The following DMC1 variants were observed in gnomAD, a reference collection of about 807,000 sequenced individuals.
DMC1 encodes meiotic recombination protein DMC1 homolog.
Under a neutral mutation model 50.1 loss-of-function variants are expected in DMC1, and 27 were observed. The observed-to-expected ratio is 0.54, with a 90% CI of 0.40 to 0.74. The LOEUF (loss-of-function observed/expected upper bound fraction) is 0.74. Ranked by LOEUF, DMC1 falls within the 30% of genes least tolerant of loss-of-function variation. The probability of loss-of-function intolerance (pLI) is 0.00; values close to 1 mark genes in which losing one functional copy is unlikely to be tolerated. For missense variants in DMC1, 295 were observed against 420.2 expected, an observed-to-expected ratio of 0.70 and a Z score of 2.60; for synonymous variants, 148 against 136.1, an observed-to-expected ratio of 1.09 and a Z score of -0.61.
intron 2 of DMC1, 95 bp from the exon 3 acceptor site, chr22:38,567,722 C>T (rs767626862): frequency 1.2e-5 from 11 of 917,030 alleles, no homozygotes; most frequent in Non-Finnish European, 2.0e-5. Context: ...ATGAGTCACT[C>T]CAAAATGCCT....
chr22:38,514,248 T>C (rs1374892636), downstream of DMC1, among the ~76,000 whole-genome samples: 1 of 64,878 alleles, frequency 1.5e-5, no homozygotes, highest in Non-Finnish European at 3.0e-5. Flanking sequence ...TAGGTATTCT[T>C]TTTTTTTTTT....
At chr22:38,535,618 T>G (rs1305645669) in intron 12 of DMC1, among the ~76,000 whole-genome samples, 1 of 151,932 alleles carries the variant, frequency 6.6e-6, no homozygotes, top group Non-Finnish European at 1.5e-5. Flanking sequence ...TTTTTTTTTT[T>G]TGTTTTTGAG....
At chr22:38,515,447 A>G (rs2089970178), downstream of DMC1, among the ~76,000 whole-genome samples, 1 of 149,282 alleles carries the variant, frequency 6.7e-6, no homozygotes, top group Non-Finnish European at 1.5e-5. Context: ...ATTGCACTCC[A>G]GCCTGGGCAA....
intron 4 of DMC1, among the ~76,000 whole-genome samples, chr22:38,566,018 T>G (rs946745207): frequency 3.3e-5 from 5 of 152,180 alleles, no homozygotes; most frequent in African/African-American, 1.2e-4. Flanking sequence ...GGCTCATGCC[T>G]GTAATCCCAG....
Position 38,552,727 on chromosome 22 carries a change from A to C in DMC1, c.380-20T>G, listed in dbSNP as rs1170182412. ...GAAATTCTGTGAAATACAGAAAAAA[A>C]TGATTTTAAAAATGCATAATTTCCA... is the stretch of plus-strand genomic sequence containing the variant. On this transcript the variant is annotated intron_variant, in intron 6 of 13. Coordinates refer to ENST00000216024, the MANE Select transcript of DMC1 (RefSeq NM_007068.4). The C allele has an allele frequency of 6.5e-7, 1 of 1,530,500 alleles. No individual in the cohort carries two copies. The highest frequency in any genetic ancestry group is 9.1e-7 in the Non-Finnish European group (1 of 1,104,616). 94.8% of individuals were successfully genotyped at this position (1,530,500 alleles called of 1,614,324 possible).
At chr22:38,566,514 T>C in intron 4 of DMC1, 76 bp downstream of exon 4, 1 of 1,524,470 alleles carries the variant, frequency 6.6e-7, no homozygotes, top group Non-Finnish European at 9.1e-7. Flanking sequence ...CAATAATTTC[T>C]AGTTTTCATG....
intron 3 of DMC1, among the ~76,000 whole-genome samples, chr22:38,567,186 C>T (rs538333768): frequency 3.3e-5 from 5 of 152,224 alleles, no homozygotes; most frequent in African/African-American, 1.2e-4. Flanking sequence ...TCTCTTGCTT[C>T]TATTTTCTAA....
intron 12 of DMC1, among the ~76,000 whole-genome samples, chr22:38,530,423 A>ATACAC (rs1277134581): frequency 2.0e-5 from 3 of 152,146 alleles, no homozygotes; most frequent in African/African-American, 7.2e-5. Context: ...GCAGAAAAAT[A>ATACAC]TACACTTTTT....
chr22:38,543,432 T>C (rs1019446404), intron 8 of DMC1, among the ~76,000 whole-genome samples: 1 of 152,082 alleles, frequency 6.6e-6, no homozygotes, highest in African/African-American at 2.4e-5. Context: ...GGTTTCACCA[T>C]GTTAGCCAGG....
downstream of DMC1, among the ~76,000 whole-genome samples, chr22:38,516,104 A>G (rs139736963): frequency 6.6e-6 from 1 of 152,330 alleles, no homozygotes; most frequent in African/African-American, 2.4e-5. Context: ...CCCGGCCTAG[A>G]AAAGCTCAGT....
At chr22:38,563,585 A>G (rs1008178419) in intron 4 of DMC1, among the ~76,000 whole-genome samples, 5 of 152,044 alleles carry the variant, frequency 3.3e-5, no homozygotes, top group African/African-American at 1.2e-4. Context: ...TGGGTGCAGT[A>G]GCTCACACCT....
At chr22:38,549,241 A>G (rs1740092057) in intron 8 of DMC1, 1 of 152,194 alleles carries the variant, frequency 6.6e-6, no homozygotes, top group African/African-American at 2.4e-5. Context: ...TCGTTGTGTT[A>G]CCCAAACAGG....
intron 12 of DMC1, among the ~76,000 whole-genome samples, chr22:38,525,489 G>A (rs1484421286): frequency 1.3e-5 from 2 of 152,086 alleles, no homozygotes; most frequent in African/African-American, 4.8e-5. Context: ...GCTGTTACTA[G>A]TGTGGTACCC....
At chr22:38,539,878 AT>A (rs2090261569) in intron 8 of DMC1, among the ~76,000 whole-genome samples, 1 of 152,184 alleles carries the variant, frequency 6.6e-6, no homozygotes, top group African/African-American at 2.4e-5. Flanking sequence ...TTATAATTCA[AT>A]AACTGCAAAG....
intron 1 of DMC1, among the ~76,000 whole-genome samples, chr22:38,569,817 C>A (rs1413522829): frequency 6.6e-6 from 1 of 152,204 alleles, no homozygotes; most frequent in East Asian, 1.9e-4. Context: ...CACCGGATTC[C>A]CTGGTCAGGA....
At chr22:38,528,074 T>C (rs1387803986) in intron 12 of DMC1, among the ~76,000 whole-genome samples, 2 of 151,508 alleles carry the variant, frequency 1.3e-5, no homozygotes, top group Non-Finnish European at 2.9e-5. Flanking sequence ...TTTTTTTTTT[T>C]TTTTTGAGAC....
downstream of DMC1, among the ~76,000 whole-genome samples, chr22:38,518,767 A>T (rs2089994120): frequency 6.6e-6 from 1 of 152,120 alleles, no homozygotes; most frequent in East Asian, 1.9e-4. Context: ...TCCTGGGCTC[A>T]AGCAATTCAC....
At chr22:38,509,293 C>T in the DMC1 span, among the ~76,000 whole-genome samples, 4 of 152,152 alleles carry the variant, frequency 2.6e-5, no homozygotes. Context: ...CATCCGTTAG[C>T]TATTCTTCTC....
chr22:38,549,204 T>C (rs554658685), intron 8 of DMC1, among the ~76,000 whole-genome samples: 2 of 152,314 alleles, frequency 1.3e-5, no homozygotes, highest in East Asian at 3.9e-4. Context: ...TATCCTGGAA[T>C]ACCTTACACT....
Sources: gnomAD v4.1 joint callset for allele counts (sites outside exome capture counted in the v4.1 genomes callset) on GRCh38, gnomAD v4.1.1 for gene constraint, MANE v1.5 for transcripts, NCBI Gene and HGNC (gene_info 2026-07-23, HGNC 2026-07-21) for gene names.